The following SDK1 variants were observed in gnomAD, a reference collection of about 807,000 sequenced individuals.
The protein encoded by SDK1 is sidekick cell adhesion molecule 1, also known as protein sidekick-1.
A neutral mutation model predicts 245.5 loss-of-function variants in SDK1; 157 were observed. The observed-to-expected ratio is 0.64, with a 90% CI of 0.56 to 0.73. The LOEUF is 0.73. Ranked by LOEUF, SDK1 falls within the 30% of genes least tolerant of loss-of-function variation. SDK1 has a pLI of 0.00. For missense variants in SDK1, 3,583 were observed against 3,002.3 expected, an observed-to-expected ratio of 1.19 and a Z score of -4.52; for synonymous variants, 1,647 against 1,278.5, an observed-to-expected ratio of 1.29 and a Z score of -6.15.
At chr7:3,761,071 T>C (rs1484163488) in intron 4 of SDK1, among the ~76,000 whole-genome samples, 3 of 152,286 alleles carry the variant, frequency 2.0e-5, no homozygotes, top group Admixed American at 6.5e-5. Flanking sequence ...TAGGAGTGGG[T>C]CAGATAAGTA....
chr7:3,917,995 A>G (rs1779444289), intron 5 of SDK1, among the ~76,000 whole-genome samples: 2 of 152,202 alleles, frequency 1.3e-5, no homozygotes, highest in Admixed American at 6.5e-5. Context: ...TCAGGGCCCA[A>G]GAAAGTCCAT....
At chr7:3,306,276 G>A (rs758511881) in intron 1 of SDK1, among the ~76,000 whole-genome samples, 1 of 152,050 alleles carries the variant, frequency 6.6e-6, no homozygotes, top group South Asian at 2.1e-4. Flanking sequence ...CTACACATTC[G>A]TCTCCTCTAA....
At position 4,251,314 on chromosome 7, in the gene SDK1, A is replaced by G. The variant is rs187115791; in HGVS notation, c.6381+5509A>G. Among the ~76,000 whole-genome samples the G allele has an allele frequency of 1.6e-3, 251 of 152,372 alleles. 5 individuals carry two copies. The highest frequency in any genetic ancestry group is 5.7e-3 in the African/African-American group (238 of 41,590). Reference sequence around the variant, plus strand: ...CCTCATGACTAAGATTTATTACAGCAAAAGAATACAGAGCAAAATCACAAA... The same window carrying G: ...CCTCATGACTAAGATTTATTACAGCGAAAGAATACAGAGCAAAATCACAAA... On this transcript the variant is annotated intron_variant, in intron 44 of 44. Transcript: ENST00000404826.
At chr7:3,392,270 C>G in intron 1 of SDK1, among the ~76,000 whole-genome samples, 1 of 152,078 alleles carries the variant, frequency 6.6e-6, no homozygotes, top group East Asian at 1.9e-4. Context: ...AGAAATGTAT[C>G]ATTATTAACT....
chr7:3,961,947 A>G (rs1781718198), intron 8 of SDK1, among the ~76,000 whole-genome samples: 1 of 152,132 alleles, frequency 6.6e-6, no homozygotes. Context: ...ACACACGCAC[A>G]TGTATACGCA....
chr7:3,985,136 GAA>G (rs1783724784), intron 13 of SDK1, among the ~76,000 whole-genome samples: 1 of 151,716 alleles, frequency 6.6e-6, no homozygotes, highest in Non-Finnish European at 1.5e-5. Flanking sequence ...ACCCATCCTG[GAA>G]GGATCTTGGG....
At chr7:3,980,604 A>G (rs1242084742) in intron 13 of SDK1, among the ~76,000 whole-genome samples, 1 of 152,242 alleles carries the variant, frequency 6.6e-6, no homozygotes, top group African/African-American at 2.4e-5. Flanking sequence ...GGGTTAGTCA[A>G]GGATCTCACA....
At chr7:3,743,395 C>G (rs142867131) in intron 4 of SDK1, among the ~76,000 whole-genome samples, 1 of 152,288 alleles carries the variant, frequency 6.6e-6, no homozygotes, top group African/African-American at 2.4e-5. Flanking sequence ...CTTGTCACAA[C>G]TCTCTTACCT....
intron 4 of SDK1, among the ~76,000 whole-genome samples, chr7:3,673,016 A>G (rs1025322949): frequency 6.6e-6 from 1 of 151,378 alleles, no homozygotes; most frequent in Non-Finnish European, 1.5e-5. Flanking sequence ...TCTTTGCTTT[A>G]CTTCTTTTAG....
chr7:3,914,354 G>A (rs184645765), intron 5 of SDK1, among the ~76,000 whole-genome samples: 3 of 152,308 alleles, frequency 2.0e-5, no homozygotes, highest in Admixed American at 1.3e-4. Flanking sequence ...GGCAAAGATT[G>A]TTATGTCAAA....
intron 4 of SDK1, among the ~76,000 whole-genome samples, chr7:3,792,902 A>G (rs748749103): frequency 5.9e-5 from 9 of 152,344 alleles, no homozygotes; most frequent in Admixed American, 3.9e-4. Flanking sequence ...GCGTTTTAAC[A>G]TAGAAAGCTT....
chr7:3,975,866 T>C lies in SDK1; in HGVS notation c.1994+1321T>C, dbSNP rs567117539. On this transcript the variant is annotated intron_variant, in intron 13 of 44. Coordinates refer to ENST00000404826, the MANE Select transcript of SDK1 (RefSeq NM_152744.4). ...GCTCTACAGAATCAGCCGGCGGCAG[T>C]GGTGCGGGGGTCCTGGTGCTGCAGC... is the stretch of plus-strand genomic sequence containing the variant. Among the ~76,000 whole-genome samples the C allele has an allele frequency of 1.2e-4, 18 of 152,248 alleles. 1 individual carries two copies. Among genetic ancestry groups the C allele is most frequent in the African/African-American group, 3.6e-4 (15 of 41,542 alleles).
intron 2 of SDK1, among the ~76,000 whole-genome samples, chr7:3,629,391 T>TGGCAGAATATTC (rs893430660): frequency 1.3e-5 from 2 of 152,108 alleles, no homozygotes; most frequent in Admixed American, 1.3e-4. Flanking sequence ...CTTTAATATT[T>TGGCAGAATATTC]GGCAGAATAT....
intron 20 of SDK1, among the ~76,000 whole-genome samples, chr7:4,073,666 C>A (rs1390163211): frequency 1.3e-5 from 2 of 152,162 alleles, no homozygotes; most frequent in Non-Finnish European, 2.9e-5. Context: ...TAGCGATTGA[C>A]CAGGTGTGAC....
chr7:3,821,204 G>C (rs2341959), intron 4 of SDK1, among the ~76,000 whole-genome samples: 1 of 151,938 alleles, frequency 6.6e-6, no homozygotes, highest in Non-Finnish European at 1.5e-5. Flanking sequence ...TTCACAGTCA[G>C]GTGCTGGCGC....
chr7:3,666,265 G>A (rs1783529728), intron 4 of SDK1, among the ~76,000 whole-genome samples: 1 of 152,180 alleles, frequency 6.6e-6, no homozygotes, highest in Non-Finnish European at 1.5e-5. Context: ...TTGTCTGTCG[G>A]GCTTGTTTCT....
chr7:4,134,605 A>G (rs1286560349), intron 28 of SDK1: 3 of 151,380 alleles, frequency 2.0e-5, no homozygotes, highest in Non-Finnish European at 2.9e-5. Context: ...GGAGTCCACA[A>G]CAACAGTGTT....
At chr7:3,842,221 A>T (rs1241656512) in intron 5 of SDK1, among the ~76,000 whole-genome samples, 1 of 152,196 alleles carries the variant, frequency 6.6e-6, no homozygotes, top group African/African-American at 2.4e-5. Context: ...TTGCACCACC[A>T]TCCCCACTGG....
intron 4 of SDK1, among the ~76,000 whole-genome samples, chr7:3,766,893 C>G (rs1422376565): frequency 6.6e-6 from 1 of 152,176 alleles, no homozygotes; most frequent in Non-Finnish European, 1.5e-5. Flanking sequence ...GGCATTGTCA[C>G]TTTAACAATA....
Sources: gnomAD v4.1 joint callset for allele counts (sites outside exome capture counted in the v4.1 genomes callset) on GRCh38, gnomAD v4.1.1 for gene constraint, MANE v1.5 for transcripts, NCBI Gene and HGNC (gene_info 2026-07-23, HGNC 2026-07-21) for gene names.